The following SEL1L2 variants were observed in gnomAD, a reference collection of about 807,000 sequenced individuals.
SEL1L2 encodes the protein protein sel-1 homolog 2.
A neutral mutation model predicts 98.8 loss-of-function variants in SEL1L2; 89 were observed. The observed-to-expected ratio is 0.90, with a 90% CI of 0.76 to 1.07. The LOEUF is 1.07. Ranked by LOEUF, SEL1L2 falls within the 50% of genes least tolerant of loss-of-function variation. The pLI, the probability that SEL1L2 is intolerant of heterozygous loss-of-function variation, is 0.00. For missense variants in SEL1L2, 788 were observed against 812.0 expected (o/e 0.97, Z 0.36); for synonymous variants, 262 against 278.5 (o/e 0.94, Z 0.59).
intron 17 of SEL1L2, among the ~76,000 whole-genome samples, chr20:13,861,046 C>A (rs756253632): frequency 3.9e-5 from 6 of 152,180 alleles, no homozygotes; most frequent in African/African-American, 1.4e-4. Flanking sequence ...CTCTAAAACA[C>A]GCTTAACTCC....
chr20:13,937,660 A>C (rs2049522308), intron 2 of SEL1L2, among the ~76,000 whole-genome samples: 1 of 152,206 alleles, frequency 6.6e-6, no homozygotes, highest in African/African-American at 2.4e-5. Flanking sequence ...ACTGTTCTGC[A>C]TTCTCTAAAG....
intron 5 of SEL1L2, among the ~76,000 whole-genome samples, chr20:13,891,621 C>G (rs1295629261): frequency 1.5e-5 from 2 of 131,376 alleles, no homozygotes; most frequent in South Asian, 2.5e-4. Context: ...GAGCCAAGAT[C>G]ATGCCACTGC....
intron 3 of SEL1L2, among the ~76,000 whole-genome samples, chr20:13,924,383 T>C (rs910349137): frequency 2.6e-4 from 40 of 151,992 alleles, no homozygotes; most frequent in African/African-American, 9.4e-4. Flanking sequence ...TCTTAAGCCA[T>C]CCTTTGATTT....
chr20:13,978,538 T>A (rs2051653809), intron 1 of SEL1L2, among the ~76,000 whole-genome samples: 1 of 152,160 alleles, frequency 6.6e-6, no homozygotes, highest in Non-Finnish European at 1.5e-5. Context: ...AGAATTACCA[T>A]ATGATCCATC....
At chr20:13,924,629 T>G (rs776388390) in intron 3 of SEL1L2, among the ~76,000 whole-genome samples, 2 of 152,052 alleles carry the variant, frequency 1.3e-5, no homozygotes, top group Non-Finnish European at 2.9e-5. Flanking sequence ...CTCACTGTAT[T>G]GCCCAGGTTG....
chr20:13,993,958 C>T (rs893177789), upstream of SEL1L2, among the ~76,000 whole-genome samples: 1 of 152,138 alleles, frequency 6.6e-6, no homozygotes, highest in African/African-American at 2.4e-5. Flanking sequence ...AATGTCACTT[C>T]CTTCTTGAAG....
chr20:13,950,174 G>A (rs2050200487), intron 2 of SEL1L2, among the ~76,000 whole-genome samples: 2 of 152,112 alleles, frequency 1.3e-5, no homozygotes, highest in South Asian at 4.2e-4. Context: ...TGGGGTGAGA[G>A]GGGAATGGAG....
intron 5 of SEL1L2, among the ~76,000 whole-genome samples, chr20:13,909,069 G>T (rs13045931): frequency 4.7e-5 from 7 of 148,766 alleles, no homozygotes; most frequent in Non-Finnish European, 7.4e-5. Flanking sequence ...TTCCCTCAGA[G>T]ATAGTAGATG....
At chr20:13,935,164 A>G (rs2049391417) in intron 2 of SEL1L2, among the ~76,000 whole-genome samples, 1 of 152,230 alleles carries the variant, frequency 6.6e-6, no homozygotes, top group Non-Finnish European at 1.5e-5. Flanking sequence ...AGCAGAACAC[A>G]GTCAGCGAGA....
chr20:13,971,660 C>T (rs1342035775), intron 1 of SEL1L2, among the ~76,000 whole-genome samples: 2 of 151,608 alleles, frequency 1.3e-5, no homozygotes, highest in Non-Finnish European at 2.9e-5. Context: ...GTCTTGAACT[C>T]CTGAGCGCAG....
chr20:13,859,182 A>T, intron 18 of SEL1L2, 80 bp downstream of exon 18: 1 of 1,355,986 alleles, frequency 7.4e-7, no homozygotes, highest in Non-Finnish European at 1.0e-6. Flanking sequence ...GATGACATCA[A>T]TGAAATTCAA....
At chr20:13,880,628 C>CCATT (rs1190258621) in intron 10 of SEL1L2, among the ~76,000 whole-genome samples, 1 of 151,922 alleles carries the variant, frequency 6.6e-6, no homozygotes, top group East Asian at 1.9e-4. Flanking sequence ...ATCCATCCAT[C>CCATT]CATCCATCCA....
intron 1 of SEL1L2, among the ~76,000 whole-genome samples, chr20:13,972,719 C>A (rs959290074): frequency 6.6e-6 from 1 of 152,168 alleles, no homozygotes; most frequent in African/African-American, 2.4e-5. Context: ...AAATATTTCT[C>A]TAGTGTCTTC....
chr20:13,980,306 C>T (rs1422346761), intron 1 of SEL1L2, among the ~76,000 whole-genome samples: 1 of 152,202 alleles, frequency 6.6e-6, no homozygotes, highest in African/African-American at 2.4e-5. Flanking sequence ...ACCTCTGCCT[C>T]CTGGGTTCAA....
chr20:13,861,138 G>A (rs554613475), intron 17 of SEL1L2, among the ~76,000 whole-genome samples: 22 of 151,972 alleles, frequency 1.4e-4, no homozygotes, highest in Middle Eastern at 3.4e-3. Context: ...TTTCCAACCC[G>A]TTCTTCACAC....
At chr20:13,888,922 A>G (rs1413071886) in intron 5 of SEL1L2, among the ~76,000 whole-genome samples, 1 of 149,396 alleles carries the variant, frequency 6.7e-6, no homozygotes, top group East Asian at 2.0e-4. Flanking sequence ...TTGGGATTAC[A>G]GGCGTGAGCC....
chr20:13,938,610 G>A (rs2148356779), intron 2 of SEL1L2, among the ~76,000 whole-genome samples: 1 of 152,192 alleles, frequency 6.6e-6, no homozygotes, highest in South Asian at 2.1e-4. Context: ...AAATGTTATA[G>A]ATTATAACAA....
At chr20:13,860,103 C>T (rs1989859905) in intron 17 of SEL1L2, among the ~76,000 whole-genome samples, 1 of 152,298 alleles carries the variant, frequency 6.6e-6, no homozygotes, top group East Asian at 1.9e-4. Flanking sequence ...CATTCTCAGA[C>T]GTCACTCCTG....
intron 2 of SEL1L2, among the ~76,000 whole-genome samples, chr20:13,935,488 C>T (rs1470322535): frequency 2.6e-5 from 4 of 151,962 alleles, no homozygotes; most frequent in Non-Finnish European, 5.9e-5. Context: ...TTGAGTAGAC[C>T]CCTGTGGGAA....
Sources: gnomAD v4.1 joint callset for allele counts (sites outside exome capture counted in the v4.1 genomes callset) on GRCh38, gnomAD v4.1.1 for gene constraint, MANE v1.5 for transcripts, NCBI Gene and HGNC (gene_info 2026-07-23, HGNC 2026-07-21) for gene names.